The following PTPN14 variants were observed in gnomAD, a reference collection of about 807,000 sequenced individuals.
The protein encoded by PTPN14 is tyrosine-protein phosphatase non-receptor type 14.
Under a neutral mutation model 126.8 loss-of-function variants are expected in PTPN14, and 53 were observed. The observed-to-expected ratio is 0.42, with a 90% CI of 0.34 to 0.53. The LOEUF (loss-of-function observed/expected upper bound fraction) is 0.53, where lower values mean the gene tolerates loss of function less well. Among genes scored for constraint, PTPN14 ranks in the 20% least tolerant of loss-of-function variants. The probability of loss-of-function intolerance (pLI) is 0.08; values close to 1 mark genes in which losing one functional copy is unlikely to be tolerated. For missense variants in PTPN14, 1,257 were observed against 1,552.9 expected (o/e 0.81, Z 3.20); for synonymous variants, 630 against 599.3 (o/e 1.05, Z -0.75).
intron 3 of PTPN14, among the ~76,000 whole-genome samples, chr1:214,416,478 C>T (rs17022878): frequency 0.012 from 1,858 of 152,290 alleles, 47 homozygotes; most frequent in African/African-American, 0.042. Flanking sequence ...TCTACAGCTA[C>T]CATTTGTATA....
At chr1:214,463,121 G>A (rs1024653510) in intron 2 of PTPN14, among the ~76,000 whole-genome samples, 1 of 152,168 alleles carries the variant, frequency 6.6e-6, no homozygotes, top group Non-Finnish European at 1.5e-5. Flanking sequence ...GTAACCACAT[G>A]CTACACTGTC....
intron 2 of PTPN14, among the ~76,000 whole-genome samples, chr1:214,460,903 C>A (rs1459742310): frequency 6.6e-6 from 1 of 152,118 alleles, no homozygotes; most frequent in Non-Finnish European, 1.5e-5. Flanking sequence ...TTTGTCCAAA[C>A]CTACAGAATG....
At chr1:214,470,858 A>AAT (rs959863692) in intron 1 of PTPN14, among the ~76,000 whole-genome samples, 6 of 143,210 alleles carry the variant, frequency 4.2e-5, no homozygotes, top group African/African-American at 1.0e-4. Context: ...TACTAAAAAA[A>AAT]ATATATATAT....
intron 1 of PTPN14, among the ~76,000 whole-genome samples, chr1:214,520,065 A>AAAAAAAAAAAAAATATATATATAT: frequency 9.8e-5 from 7 of 71,104 alleles, no homozygotes; most frequent in East Asian, 4.8e-4. Flanking sequence ...AAAAAAAAAA[A>AAAAAAAAAAAAAATATATATATAT]ATATATATAT....
intron 5 of PTPN14, among the ~76,000 whole-genome samples, chr1:214,406,167 T>C (rs1659165260): frequency 6.6e-6 from 1 of 152,164 alleles, no homozygotes; most frequent in African/African-American, 2.4e-5. Context: ...TCTAGACACA[T>C]GCGGCTATGG....
At chr1:214,516,532 T>C (rs1655106939) in intron 1 of PTPN14, among the ~76,000 whole-genome samples, 1 of 152,176 alleles carries the variant, frequency 6.6e-6, no homozygotes, top group Non-Finnish European at 1.5e-5. Flanking sequence ...TATGTTGACT[T>C]TCCTGCTGGA....
At chr1:214,485,250 G>A (rs952932453) in intron 1 of PTPN14, among the ~76,000 whole-genome samples, 4 of 152,074 alleles carry the variant, frequency 2.6e-5, no homozygotes, top group Non-Finnish European at 5.9e-5. Context: ...TTTATTCTGA[G>A]CACTTATAAG....
chr1:214,363,844 T>C (rs992032167), intron 18 of PTPN14, among the ~76,000 whole-genome samples: 2 of 152,170 alleles, frequency 1.3e-5, no homozygotes, highest in Non-Finnish European at 1.5e-5. Flanking sequence ...CTACACAAAA[T>C]TGAAAGTCTC....
Position 214,357,872 on chromosome 1 carries a change from C to A in PTPN14, c.*50G>T, listed in dbSNP as rs766474264. Reference sequence around the variant, plus strand: ...CAGATGTTGTCTGGAGGTGACTCTCCTCCAGCGCGATGGAGCTGGGTCCCT... The same window carrying A: ...CAGATGTTGTCTGGAGGTGACTCTCATCCAGCGCGATGGAGCTGGGTCCCT... On this transcript the variant is annotated 3_prime_UTR_variant, in exon 19 of 19. Coordinates refer to ENST00000366956, the MANE Select transcript of PTPN14 (RefSeq NM_005401.5). 17 of 1,575,372 alleles carry A rather than the reference C, an allele frequency of 1.1e-5. No homozygotes were observed. The highest frequency in any genetic ancestry group is 6.7e-5 in the Admixed American group (4 of 59,434).
chr1:214,367,017 G>C (rs895430051), intron 17 of PTPN14, among the ~76,000 whole-genome samples: 1 of 151,160 alleles, frequency 6.6e-6, no homozygotes, highest in Non-Finnish European at 1.5e-5. Flanking sequence ...GTCTTTTTTG[G>C]TAATTTAGAC....
At chr1:214,483,095 T>C (rs1223830288) in intron 1 of PTPN14, 2 of 1,611,294 alleles carry the variant, frequency 1.2e-6, no homozygotes, top group African/African-American at 1.3e-5. Context: ...AAAACATTTG[T>C]CTAATGTTTC....
In PTPN14 at chr1:214,481,312, C is replaced by T. The variant is rs545998046; in HGVS notation, c.-154-16355G>A. On this transcript the variant is annotated intron_variant, in intron 1 of 18. Transcript: ENST00000366956. ...ATCTGAGGTCAGGAGTTCGAGACCA[C>T]CATGGCCAACATGGTGAAACCCCAT... Among the ~76,000 whole-genome samples the T allele has an allele frequency of 9.9e-5, 15 of 151,732 alleles. No homozygotes were observed. The South Asian group carries it at 3.1e-3, about 32-fold the overall frequency.
At chr1:214,442,449 A>C (rs1187533449) in intron 3 of PTPN14, among the ~76,000 whole-genome samples, 1 of 152,210 alleles carries the variant, frequency 6.6e-6, no homozygotes, top group Non-Finnish European at 1.5e-5. Context: ...ACATACGTAT[A>C]AGCATATCTT....
At chr1:214,403,336 T>C (rs1376431712) in intron 5 of PTPN14, among the ~76,000 whole-genome samples, 1 of 152,192 alleles carries the variant, frequency 6.6e-6, no homozygotes, top group African/African-American at 2.4e-5. Context: ...CAGGCCATCA[T>C]CCCTTCAAAA....
In PTPN14 at chr1:214,454,444, C is replaced by A. The variant is rs1660337760; in HGVS notation, c.175-2470G>T. Among the ~76,000 whole-genome samples, 3 of 152,152 alleles carry A rather than the reference C, an allele frequency of 2.0e-5. No individual in the cohort carries two copies. The South Asian group carries it at 6.2e-4, about 32-fold the overall frequency. ...ATTTCCTTTTCTCATTCCCATCCAT[C>A]CAGATCATTAAACCAGACCTGACCT... On this transcript the variant is annotated intron_variant, in intron 2 of 18. Transcript: ENST00000366956.
chr1:214,414,835 G>GT, intron 3 of PTPN14, 109 bp from the exon 4 acceptor site: 1 of 813,388 alleles, frequency 1.2e-6, no homozygotes, highest in Non-Finnish European at 2.1e-6. Context: ...AGCAGGACAT[G>GT]CCTGTGATGC....
chr1:214,447,874 T>C (rs1274311784), intron 3 of PTPN14, among the ~76,000 whole-genome samples: 2 of 152,236 alleles, frequency 1.3e-5, no homozygotes, highest in African/African-American at 4.8e-5. Context: ...TGATCAAATG[T>C]CAGCAACACA....
intron 10 of PTPN14, among the ~76,000 whole-genome samples, chr1:214,392,566 GA>G (rs1465076552): frequency 5.3e-5 from 8 of 152,150 alleles, no homozygotes; most frequent in Admixed American, 4.6e-4. Flanking sequence ...GGCAACAGCA[GA>G]GTAGAAATAC....
At chr1:214,411,289 A>G (rs1267785422) in intron 5 of PTPN14, among the ~76,000 whole-genome samples, 2 of 152,190 alleles carry the variant, frequency 1.3e-5, no homozygotes, top group Non-Finnish European at 2.9e-5. Context: ...CAAGAGAAAT[A>G]AAAAGCAGCC....
Sources: gnomAD v4.1 joint callset for allele counts (sites outside exome capture counted in the v4.1 genomes callset) on GRCh38, gnomAD v4.1.1 for gene constraint, MANE v1.5 for transcripts, NCBI Gene and HGNC (gene_info 2026-07-23, HGNC 2026-07-21) for gene names.